Variants in ARB2A observed in about 807,000 individuals in gnomAD.
ARB2A encodes the protein ARB2 cotranscriptional regulator A, also known as cotranscriptional regulator ARB2A.
the ARB2A span, among the ~76,000 whole-genome samples, chr5:93,752,455 A>G: frequency 2.6e-5 from 4 of 152,330 alleles, no homozygotes; most frequent in African/African-American, 9.6e-5. Context: ...TCTTTAAAGA[A>G]AAGAGTTAGC....
chr5:93,996,064 T>C, the ARB2A span, among the ~76,000 whole-genome samples: 36 of 152,170 alleles, frequency 2.4e-4, no homozygotes, highest in African/African-American at 8.7e-4. Context: ...CTGTTGACTA[T>C]AGGAACATTT....
the ARB2A span, among the ~76,000 whole-genome samples, chr5:94,097,125 C>T: frequency 6.6e-6 from 1 of 152,226 alleles, no homozygotes; most frequent in African/African-American, 2.4e-5. Context: ...GCTCATCATG[C>T]TCCTCTACGC....
At chr5:94,018,680 G>C in the ARB2A span, among the ~76,000 whole-genome samples, 1 of 151,980 alleles carries the variant, frequency 6.6e-6, no homozygotes, top group Non-Finnish European at 1.5e-5. Flanking sequence ...CACATCCCTT[G>C]TAAGTTGTAT....
At chr5:93,793,133 T>C in the ARB2A span, among the ~76,000 whole-genome samples, 1 of 151,524 alleles carries the variant, frequency 6.6e-6, no homozygotes, top group East Asian at 1.9e-4. Flanking sequence ...AGTGCAGTGG[T>C]AGGATCACAG....
the ARB2A span, among the ~76,000 whole-genome samples, chr5:93,783,205 C>T: frequency 1.3e-5 from 2 of 152,106 alleles, no homozygotes; most frequent in Admixed American, 6.6e-5. Context: ...TTACTAACAG[C>T]TCATTTATTA....
the ARB2A span, among the ~76,000 whole-genome samples, chr5:93,744,269 T>C: frequency 6.6e-6 from 1 of 151,280 alleles, no homozygotes; most frequent in African/African-American, 2.4e-5. Context: ...ACCCCGTCTC[T>C]ACTAAAAATA....
At chr5:93,705,553 C>T in the ARB2A span, among the ~76,000 whole-genome samples, 5 of 149,106 alleles carry the variant, frequency 3.4e-5, no homozygotes. Context: ...CATTATGCTT[C>T]TAAATTGTAG....
At chr5:93,749,858 TA>T in the ARB2A span, among the ~76,000 whole-genome samples, 8 of 151,856 alleles carry the variant, frequency 5.3e-5, no homozygotes, top group Non-Finnish European at 1.2e-4. Context: ...GAGTGTCATT[TA>T]AAAAAAAGGG....
chr5:94,087,206 C>G, the ARB2A span, among the ~76,000 whole-genome samples: 1 of 152,072 alleles, frequency 6.6e-6, no homozygotes, highest in East Asian at 1.9e-4. Flanking sequence ...TACTTTTGTA[C>G]AGCTGAACAA....
chr5:93,870,537 T>C, the ARB2A span, among the ~76,000 whole-genome samples: 1 of 152,272 alleles, frequency 6.6e-6, no homozygotes, highest in African/African-American at 2.4e-5. Flanking sequence ...CTCTGGAGAT[T>C]CCTGAGATTC....
At chr5:94,035,023 C>T in the ARB2A span, among the ~76,000 whole-genome samples, 7 of 152,228 alleles carry the variant, frequency 4.6e-5, no homozygotes, top group East Asian at 1.9e-4. Flanking sequence ...TCCCCCACCC[C>T]CAGTCCATGG....
At chr5:93,824,711 T>C in the ARB2A span, among the ~76,000 whole-genome samples, 1 of 152,172 alleles carries the variant, frequency 6.6e-6, no homozygotes, top group Non-Finnish European at 1.5e-5. Context: ...GACTGCAACG[T>C]GGATGCCTAA....
the ARB2A span, among the ~76,000 whole-genome samples, chr5:94,013,978 A>C: frequency 6.6e-6 from 1 of 152,310 alleles, no homozygotes; most frequent in East Asian, 1.9e-4. Flanking sequence ...AGAAAAGGTG[A>C]GATTGAAGTG....
chr5:93,863,866 T>G, the ARB2A span: 1 of 152,242 alleles, frequency 6.6e-6, no homozygotes, highest in South Asian at 2.1e-4. Context: ...TTTTAAAATT[T>G]TTTGTTTTAG....
At chr5:93,805,626 T>C in the ARB2A span, 5 of 985,056 alleles carry the variant, frequency 5.1e-6, no homozygotes, top group Admixed American at 2.5e-4. Flanking sequence ...ATTACATTTC[T>C]CCAATTTGGG....
At chr5:93,650,758 G>A in the ARB2A span, among the ~76,000 whole-genome samples, 1 of 151,810 alleles carries the variant, frequency 6.6e-6, no homozygotes, top group Non-Finnish European at 1.5e-5. Context: ...GGGAGGCCAA[G>A]TGAGAGGATT....
At chr5:93,981,385 A>C in the ARB2A span, among the ~76,000 whole-genome samples, 1 of 151,962 alleles carries the variant, frequency 6.6e-6, no homozygotes, top group Non-Finnish European at 1.5e-5. Flanking sequence ...ATTATATTTA[A>C]GTCTCATTTC....
the ARB2A span, among the ~76,000 whole-genome samples, chr5:93,697,668 T>A: frequency 6.6e-6 from 1 of 152,158 alleles, no homozygotes; most frequent in Admixed American, 6.5e-5. Flanking sequence ...AATTTATAAA[T>A]CACATTGTTT....
chr5:93,877,382 G>A, the ARB2A span, among the ~76,000 whole-genome samples: 2 of 152,080 alleles, frequency 1.3e-5, no homozygotes, highest in Non-Finnish European at 1.5e-5. Flanking sequence ...TCATTCCTAT[G>A]CTGCAGGTTC....
Sources: gnomAD v4.1 joint callset for allele counts (sites outside exome capture counted in the v4.1 genomes callset) on GRCh38, gnomAD v4.1.1 for gene constraint, MANE v1.5 for transcripts, NCBI Gene and HGNC (gene_info 2026-07-23, HGNC 2026-07-21) for gene names.